The following GARS1 variants were observed in gnomAD, a reference collection of about 807,000 sequenced individuals.
GARS1 encodes glycine--tRNA ligase.
A neutral mutation model predicts 86.4 loss-of-function variants in GARS1; 46 were observed. That is an observed-to-expected ratio of 0.53 (90% confidence interval 0.42 to 0.68). The LOEUF (loss-of-function observed/expected upper bound fraction) is 0.68, where lower values mean the gene tolerates loss of function less well. Among genes scored for constraint, GARS1 ranks in the 30% least tolerant of loss-of-function variants. The pLI, the probability that GARS1 is intolerant of heterozygous loss-of-function variation, is 0.00. For missense variants in GARS1, 797 were observed against 915.6 expected, an observed-to-expected ratio of 0.87 and a Z score of 1.67; for synonymous variants, 342 against 329.8, an observed-to-expected ratio of 1.04 and a Z score of -0.40.
At chr7:30,600,385 T>C (rs539035524) in intron 3 of GARS1, among the ~76,000 whole-genome samples, 2 of 152,344 alleles carry the variant, frequency 1.3e-5, no homozygotes, top group African/African-American at 4.8e-5. Flanking sequence ...ACTGGCTAAC[T>C]ATACTATGCC....
rs1339325977 is a variant in GARS1 at position 30,617,010 on chromosome 7, TA to T, written c.1195-103del. ...AAAATAGTTTGTGTTGGGTGTCAAA[TA>T]TTTTTCAGTAGAGTGAGTCAATGGA... On this transcript the variant is annotated intron_variant, in intron 9 of 16. Transcript: ENST00000389266. The T allele has an allele frequency of 1.4e-4, 155 of 1,138,874 alleles. 2 individuals carry two copies. Among genetic ancestry groups the T allele is most frequent in the South Asian group, 1.2e-3 (98 of 80,674 alleles). 70.5% of individuals were successfully genotyped at this position (1,138,874 alleles called of 1,614,324 possible).
chr7:30,599,666 G>T (rs1038728543), intron 2 of GARS1, among the ~76,000 whole-genome samples: 3 of 152,126 alleles, frequency 2.0e-5, no homozygotes, highest in Non-Finnish European at 2.9e-5. Flanking sequence ...GCCTCCCAAA[G>T]TACTGGGATT....
At chr7:30,629,257 T>C (rs990812736) in intron 14 of GARS1, among the ~76,000 whole-genome samples, 6 of 152,162 alleles carry the variant, frequency 3.9e-5, no homozygotes, top group Non-Finnish European at 8.8e-5. Context: ...GGGATAATAG[T>C]TGTCTGGGGT....
At chr7:30,608,428 G>A (rs1010165121) in intron 6 of GARS1, among the ~76,000 whole-genome samples, 1 of 152,132 alleles carries the variant, frequency 6.6e-6, no homozygotes, top group African/African-American at 2.4e-5. Context: ...TTATATTTAT[G>A]GTACCCGTGT....
intron 7 of GARS1, 116 bp downstream of exon 7, chr7:30,609,846 T>A: frequency 1.2e-6 from 1 of 805,898 alleles, no homozygotes; most frequent in Non-Finnish European, 2.1e-6. Context: ...TATACAGAAG[T>A]ACAGATGAAT....
chr7:30,607,545 CG>C (rs1181363182), intron 6 of GARS1, among the ~76,000 whole-genome samples: 1 of 13,352 alleles, frequency 7.5e-5, no homozygotes, highest in African/African-American at 3.3e-4. Context: ...CTGGGCCTGT[CG>C]GGGGGTGGGA....
intron 8 of GARS1, among the ~76,000 whole-genome samples, chr7:30,612,748 A>G (rs1466976601): frequency 1.3e-5 from 2 of 152,142 alleles, no homozygotes; most frequent in African/African-American, 4.8e-5. Flanking sequence ...TGGGGGGCCT[A>G]TATGACAGAA....
chr7:30,596,069 G>A, intron 1 of GARS1: 1 of 358,926 alleles, frequency 2.8e-6, no homozygotes, highest in Non-Finnish European at 5.5e-6. Context: ...ATGCAATTAG[G>A]GAGAGCCAGA....
chr7:30,609,822 T>A (rs1319885330), intron 7 of GARS1, 92 bp downstream of exon 7: 6 of 1,256,084 alleles, frequency 4.8e-6, no homozygotes, highest in African/African-American at 4.5e-5. Context: ...GAAGGAAAAA[T>A]TTTTAAAAAG....
chr7:30,601,241 A>G (rs769882122), intron 4 of GARS1, 41 bp downstream of exon 4: 10 of 1,541,868 alleles, frequency 6.5e-6, no homozygotes, highest in Non-Finnish European at 8.9e-6. Flanking sequence ...TACTTTAAAT[A>G]AAATAACTTA....
At position 30,628,668 on chromosome 7, in the gene GARS1, C is replaced by T. The variant is rs773445942; in HGVS notation, c.1808C>T (p.Thr603Ile). Residue 603 changes from threonine to isoleucine, a missense_variant and splice_region_variant, in exon 14 of 17, where the codon ACA becomes ATA. Coordinates refer to ENST00000389266, the MANE Select transcript of GARS1 (RefSeq NM_002047.4). ...GTACGAGAAGGAGATGAACAGAGAA[C>T]AGTAAGTTGTTGTGTACAGTGTGCT... ...FHVREGDEQR[T>I]FFSFPAVVAP... 1 of 1,596,132 alleles carries T rather than the reference C, an allele frequency of 6.3e-7. No homozygotes were observed. The highest frequency in any genetic ancestry group is 1.1e-5 in the South Asian group (1 of 90,736).
At chr7:30,610,177 C>G (rs1469653520) in intron 7 of GARS1, among the ~76,000 whole-genome samples, 1 of 152,220 alleles carries the variant, frequency 6.6e-6, no homozygotes, top group African/African-American at 2.4e-5. Flanking sequence ...CTTGAGCACT[C>G]ATAATGGGTC....
In GARS1 at chr7:30,598,781, C is replaced by T; in HGVS notation, c.223-15C>T. 1 of 1,598,362 alleles carries T rather than the reference C, an allele frequency of 6.3e-7. No homozygotes were observed. ...CTGAAACCAATCCTGAATATAAATT[C>T]TCTTTCTTGGCTAGGGAGATCTTGT... On this transcript the variant is annotated splice_polypyrimidine_tract_variant and intron_variant, in intron 1 of 16. Transcript: ENST00000389266.
At chr7:30,628,359 A>G (rs544585777) in intron 13 of GARS1, 153 of 423,628 alleles carry the variant, frequency 3.6e-4, no homozygotes, top group African/African-American at 2.6e-3. Context: ...TAATTTTTGT[A>G]TTTTTAGTAG....
intron 12 of GARS1, 41 bp downstream of exon 12, chr7:30,622,503 G>A (rs1332908298): frequency 5.6e-6 from 9 of 1,611,280 alleles, no homozygotes; most frequent in Non-Finnish European, 6.8e-6. Context: ...GCTCCAGTCA[G>A]TTGTGTCATC....
chr7:30,626,415 G>A, intron 13 of GARS1, 96 bp downstream of exon 13: 1 of 780,984 alleles, frequency 1.3e-6, no homozygotes, highest in South Asian at 1.5e-5. Context: ...AGGCTGGAGT[G>A]CAGTGGCACA....
intron 8 of GARS1, among the ~76,000 whole-genome samples, chr7:30,613,282 T>C (rs1191607397): frequency 2.6e-5 from 4 of 152,134 alleles, no homozygotes; most frequent in African/African-American, 9.7e-5. Context: ...TTAGAGAAAG[T>C]TGGGGGAATG....
intron 12 of GARS1, 86 bp from the exon 13 acceptor site, chr7:30,626,145 AAAC>A: frequency 1.3e-6 from 1 of 747,342 alleles, no homozygotes; most frequent in Non-Finnish European, 2.4e-6. Flanking sequence ...TAAAAAGAAA[AAAC>A]AACTTAGCAA....
At chr7:30,619,975 C>G (rs186289900) in intron 10 of GARS1, among the ~76,000 whole-genome samples, 1 of 151,948 alleles carries the variant, frequency 6.6e-6, no homozygotes, top group African/African-American at 2.4e-5. Context: ...CAGGATTTCT[C>G]CGTGTTAGCC....
Sources: gnomAD v4.1 joint callset for allele counts (sites outside exome capture counted in the v4.1 genomes callset) on GRCh38, gnomAD v4.1.1 for gene constraint, MANE v1.5 for transcripts, NCBI Gene and HGNC (gene_info 2026-07-23, HGNC 2026-07-21) for gene names.